The following DTNA variants were observed in gnomAD, a reference collection of about 807,000 sequenced individuals.
DTNA encodes the protein dystrobrevin alpha.
DTNA carries 43 observed loss-of-function variants against 100.7 expected under a neutral mutation model. That is an observed-to-expected ratio of 0.43 (90% CI 0.33 to 0.55). The LOEUF (loss-of-function observed/expected upper bound fraction) is 0.55, where lower values mean the gene tolerates loss of function less well. Ranked by LOEUF, DTNA falls within the 20% of genes least tolerant of loss-of-function variation. The pLI, the probability that DTNA is intolerant of heterozygous loss-of-function variation, is 0.04. For synonymous variants in DTNA, 349 were observed against 347.9 expected (o/e 1.00, Z -0.04); for missense variants, 798 against 953.9 (o/e 0.84, Z 2.15).
intron 1 of DTNA, among the ~76,000 whole-genome samples, chr18:34,645,007 G>C (rs1171703987): frequency 6.6e-6 from 1 of 152,036 alleles, no homozygotes; most frequent in Non-Finnish European, 1.5e-5. Flanking sequence ...CATTTGTAAG[G>C]TAACGACAAA....
At chr18:34,579,439 T>A (rs1291164562) in intron 1 of DTNA, among the ~76,000 whole-genome samples, 1 of 152,206 alleles carries the variant, frequency 6.6e-6, no homozygotes, top group African/African-American at 2.4e-5. Flanking sequence ...TCAGCAAGAA[T>A]TCACCTTGAA....
intron 1 of DTNA, among the ~76,000 whole-genome samples, chr18:34,501,784 T>A (rs2039953919): frequency 6.6e-6 from 1 of 152,172 alleles, no homozygotes; most frequent in Non-Finnish European, 1.5e-5. Flanking sequence ...TTCTGAGGCC[T>A]CTCTCTTTGG....
chr18:34,867,675 C>T (rs939542819), intron 17 of DTNA: 2 of 987,398 alleles, frequency 2.0e-6, no homozygotes, highest in Admixed American at 6.1e-5. Context: ...TAGCCATTTC[C>T]CTTGGGGATA....
intron 2 of DTNA, chr18:34,760,160 T>G (rs1329228232): frequency 6.6e-6 from 1 of 152,210 alleles, no homozygotes; most frequent in African/African-American, 2.4e-5. Context: ...CGTAGGTTCA[T>G]GGATACGGTG....
In DTNA at chr18:34,674,140, T is replaced by A. The variant is rs1355094535; in HGVS notation, c.-1-81836T>A. On this transcript the variant is annotated intron_variant, in intron 1 of 19. Transcript: ENST00000283365. The stretch of plus-strand genomic sequence containing the variant: ...CACAGAAATGAGGTTGCCGCCCAGC[T>A]TAGGAGCTGATGCAGCCAGTCTCAA... Among the ~76,000 whole-genome samples, 3 of 152,228 alleles carry A rather than the reference T, an allele frequency of 2.0e-5. No homozygotes were observed. The East Asian group carries it at 5.8e-4, about 29-fold the overall frequency.
intron 1 of DTNA, among the ~76,000 whole-genome samples, chr18:34,556,740 A>T (rs867578425): frequency 1.3e-5 from 2 of 151,998 alleles, no homozygotes; most frequent in African/African-American, 4.8e-5. Context: ...CGAGAGATCC[A>T]CTGTTAGTCT....
At chr18:34,789,596 A>G (rs2094629208) in intron 3 of DTNA, among the ~76,000 whole-genome samples, 1 of 152,228 alleles carries the variant, frequency 6.6e-6, no homozygotes, top group Non-Finnish European at 1.5e-5. Context: ...TCCCATAGGC[A>G]GGAACCACAT....
chr18:34,674,968 C>T (rs1325759312), intron 1 of DTNA, among the ~76,000 whole-genome samples: 2 of 152,072 alleles, frequency 1.3e-5, no homozygotes, highest in Non-Finnish European at 2.9e-5. Context: ...GGAAGGAATT[C>T]ACGTGGTATA....
intron 1 of DTNA, among the ~76,000 whole-genome samples, chr18:34,529,993 A>C (rs1238666899): frequency 6.6e-6 from 1 of 152,176 alleles, no homozygotes; most frequent in Non-Finnish European, 1.5e-5. Flanking sequence ...TTCTTTGAAT[A>C]CATAGATATG....
At chr18:34,752,176 G>A (rs1037952482) in intron 1 of DTNA, among the ~76,000 whole-genome samples, 2 of 152,226 alleles carry the variant, frequency 1.3e-5, no homozygotes, top group Non-Finnish European at 2.9e-5. Context: ...GTGCCCTGTG[G>A]TACACATTAG....
intron 1 of DTNA, among the ~76,000 whole-genome samples, chr18:34,751,904 G>C (rs1309577284): frequency 6.6e-6 from 1 of 152,164 alleles, no homozygotes; most frequent in South Asian, 2.1e-4. Context: ...GTTTGACAAA[G>C]TATAGCTACT....
intron 1 of DTNA, among the ~76,000 whole-genome samples, chr18:34,717,605 G>T (rs2084312982): frequency 6.6e-6 from 1 of 152,056 alleles, no homozygotes; most frequent in Admixed American, 6.6e-5. Flanking sequence ...GAATATATTT[G>T]TGTTGGACAC....
chr18:34,645,416 G>T (rs1359367308), intron 1 of DTNA, among the ~76,000 whole-genome samples: 4 of 152,238 alleles, frequency 2.6e-5, no homozygotes, highest in African/African-American at 9.6e-5. Context: ...ACCTTGTAAT[G>T]TGGGCAGGTA....
chr18:34,716,223 A>T (rs1436712069), intron 1 of DTNA, among the ~76,000 whole-genome samples: 1 of 152,204 alleles, frequency 6.6e-6, no homozygotes, highest in Admixed American at 6.5e-5. Flanking sequence ...TCCAAGAAAT[A>T]TAGAAAACAC....
At chr18:34,603,049 TAAAA>T (rs2052288711) in intron 1 of DTNA, among the ~76,000 whole-genome samples, 1 of 151,440 alleles carries the variant, frequency 6.6e-6, no homozygotes, top group African/African-American at 2.4e-5. Context: ...AATTTAATTT[TAAAA>T]AAGAAAGAAA....
chr18:34,742,893 A>G lies in DTNA; in HGVS notation c.-1-13083A>G, dbSNP rs184381026. 3.9e-5 allele frequency among the ~76,000 whole-genome samples: 6 copies of G among 152,160 alleles called. No individual in the cohort carries two copies. The East Asian group carries it at 1.2e-3, about 30-fold the overall frequency. ...ATCTCAGGGTCTCTTCCGGCTAATA[A>G]CCCAGGCATTCATGCCTCTGCCTCA... On this transcript the variant is annotated intron_variant, in intron 1 of 22. Transcript: ENST00000444659.
intron 18 of DTNA, among the ~76,000 whole-genome samples, chr18:34,876,225 C>A (rs1323385683): frequency 6.6e-6 from 1 of 152,052 alleles, no homozygotes; most frequent in Non-Finnish European, 1.5e-5. Flanking sequence ...TTGGGGTCTG[C>A]AATTTGCATT....
chr18:34,657,644 T>C (rs1275250450), intron 1 of DTNA, among the ~76,000 whole-genome samples: 1 of 152,142 alleles, frequency 6.6e-6, no homozygotes, highest in Non-Finnish European at 1.5e-5. Context: ...CATACATCAC[T>C]CTCCATTTAG....
At chr18:34,738,550 A>AGTCC (rs2090061797) in intron 1 of DTNA, among the ~76,000 whole-genome samples, 1 of 152,178 alleles carries the variant, frequency 6.6e-6, no homozygotes, top group Admixed American at 6.5e-5. Flanking sequence ...TCCAGCTTTG[A>AGTCC]AGCTGGGCTG....
Sources: gnomAD v4.1 joint callset for allele counts (sites outside exome capture counted in the v4.1 genomes callset) on GRCh38, gnomAD v4.1.1 for gene constraint, MANE v1.5 for transcripts, NCBI Gene and HGNC (gene_info 2026-07-23, HGNC 2026-07-21) for gene names.